Variants in CTNNA2 observed in about 807,000 individuals in gnomAD.
CTNNA2 encodes catenin alpha 2.
In CTNNA2, 42 loss-of-function variants were observed where a neutral mutation model predicts 101.0. That is an observed-to-expected ratio of 0.42 (90% CI 0.32 to 0.54). The LOEUF (loss-of-function observed/expected upper bound fraction) is 0.54. Among genes scored for constraint, CTNNA2 ranks in the 20% least tolerant of loss-of-function variants. The pLI is 0.14. For synonymous variants in CTNNA2, 450 were observed against 456.4 expected (o/e 0.99, Z 0.18); for missense variants, 871 against 1,223.1 (o/e 0.71, Z 4.29).
intron 2 of CTNNA2, among the ~76,000 whole-genome samples, chr2:79,740,783 C>A (rs1388895831): frequency 6.6e-6 from 1 of 151,890 alleles, no homozygotes; most frequent in Non-Finnish European, 1.5e-5. Flanking sequence ...TAGAGCACAA[C>A]AACAATTCAG....
At chr2:79,255,561 C>G (rs1674834050) in intron 2 of CTNNA2, among the ~76,000 whole-genome samples, 1 of 152,032 alleles carries the variant, frequency 6.6e-6, no homozygotes, top group South Asian at 2.1e-4. Context: ...AGGATAGTAT[C>G]GTAGCTGGAG....
intron 3 of CTNNA2, among the ~76,000 whole-genome samples, chr2:79,829,701 T>TC (rs1490997751): frequency 6.3e-4 from 7 of 11,136 alleles, no homozygotes; most frequent in Admixed American, 1.9e-3. Context: ...TTCTTATTTA[T>TC]TTATTTATTT....
At chr2:79,617,004 C>T (rs551423843) in intron 1 of CTNNA2, among the ~76,000 whole-genome samples, 5 of 151,914 alleles carry the variant, frequency 3.3e-5, no homozygotes, top group Admixed American at 6.6e-5. Context: ...CGGGTTCAAG[C>T]GATTCTCCTG....
Position 80,135,032 on chromosome 2 carries a change from G to A in CTNNA2, c.1056+225235G>A, listed in dbSNP as rs554673323. On this transcript the variant is annotated intron_variant, in intron 7 of 18. Transcript: ENST00000402739. ...TTCCATATTTATTAAAATGTGATCTGCATATTTTTCTCTTTTCATGTACTG... is the reference window on the plus strand; with the variant it reads ...TTCCATATTTATTAAAATGTGATCTACATATTTTTCTCTTTTCATGTACTG... 9.2e-5 allele frequency among the ~76,000 whole-genome samples: 14 copies of A among 152,194 alleles called. 1 individual carries two copies. In the South Asian group the frequency reaches 1.5e-3, roughly 16 times the overall value.
At chr2:79,818,678 A>C (rs1477439466) in intron 3 of CTNNA2, among the ~76,000 whole-genome samples, 2 of 151,722 alleles carry the variant, frequency 1.3e-5, no homozygotes, top group African/African-American at 4.8e-5. Context: ...CTAAACCCTG[A>C]AATCTTGAAT....
At chr2:80,416,654 A>G (rs755215615) in intron 8 of CTNNA2, among the ~76,000 whole-genome samples, 1 of 151,944 alleles carries the variant, frequency 6.6e-6, no homozygotes, top group Admixed American at 6.6e-5. Context: ...CCTTTTCACA[A>G]TGTTGTAATA....
At chr2:79,878,707 G>C (rs530379365) in intron 6 of CTNNA2, among the ~76,000 whole-genome samples, 79 of 152,126 alleles carry the variant, frequency 5.2e-4, no homozygotes, top group African/African-American at 1.9e-3. Context: ...TAAGTTCCTT[G>C]TAAATTCTGA....
intron 7 of CTNNA2, among the ~76,000 whole-genome samples, chr2:80,272,861 T>C (rs571664684): frequency 2.7e-4 from 41 of 152,312 alleles, no homozygotes; most frequent in Middle Eastern, 3.4e-3. Flanking sequence ...GCCAAGATAT[T>C]TGCTTGAAAA....
intron 7 of CTNNA2, among the ~76,000 whole-genome samples, chr2:79,993,118 TCA>T (rs2103908561): frequency 6.6e-6 from 1 of 152,326 alleles, no homozygotes; most frequent in South Asian, 2.1e-4. Context: ...TTGCATAATG[TCA>T]CAGAGTGGTT....
At chr2:80,141,350 A>T (rs1353754644) in intron 7 of CTNNA2, among the ~76,000 whole-genome samples, 1 of 151,946 alleles carries the variant, frequency 6.6e-6, no homozygotes, top group Non-Finnish European at 1.5e-5. Context: ...CTATAAACAG[A>T]CTTACCAAGC....
At chr2:79,501,630 T>C (rs1671320761) in intron 4 of CTNNA2, among the ~76,000 whole-genome samples, 1 of 152,194 alleles carries the variant, frequency 6.6e-6, no homozygotes, top group African/African-American at 2.4e-5. Flanking sequence ...TCAAGGCAGG[T>C]CAGGGAACCA....
chr2:80,582,026 T>C (rs1034061903), intron 14 of CTNNA2, among the ~76,000 whole-genome samples: 4 of 152,170 alleles, frequency 2.6e-5, no homozygotes, highest in Non-Finnish European at 4.4e-5. Flanking sequence ...ACTCCTCTCT[T>C]TTGCTATCAC....
At chr2:79,306,000 C>T (rs935413684) in intron 2 of CTNNA2, among the ~76,000 whole-genome samples, 9 of 147,032 alleles carry the variant, frequency 6.1e-5, no homozygotes, top group Admixed American at 2.1e-4. Flanking sequence ...GAGCTGAGAT[C>T]GCACCACTGC....
rs115566128 is a variant in CTNNA2, at chr2:80,616,013, T to G, written c.2431-3072T>G. On this transcript the variant is annotated intron_variant, in intron 17 of 18. Transcript: ENST00000402739. ...TTAATTCAGACTTTTAATCTTTTCT[T>G]TTATCATCAATACTGTATCTTGTTT... Among the ~76,000 whole-genome samples, 878 of 151,830 alleles carry G rather than the reference T, an allele frequency of 5.8e-3. 8 individuals carry two copies. Among genetic ancestry groups the G allele is most frequent in the African/African-American group, 0.02 (831 of 41,508 alleles).
chr2:80,031,697 A>G lies in CTNNA2; in HGVS notation c.1056+121900A>G, dbSNP rs143865403. Among the ~76,000 whole-genome samples the G allele has an allele frequency of 4.0e-3, 616 of 152,318 alleles. 6 individuals carry two copies. The highest frequency in any genetic ancestry group is 0.014 in the African/African-American group (587 of 41,576). On this transcript the variant is annotated intron_variant, in intron 7 of 18. Coordinates refer to ENST00000402739, the MANE Select transcript of CTNNA2 (RefSeq NM_001282597.3). ...TTCACCTTTTATTTTATAAATTTCT[A>G]TGTTGTTTAACTATTTTACAGTGAA... is the stretch of plus-strand genomic sequence containing the variant.
chr2:79,793,188 G>A (rs2105261878), intron 3 of CTNNA2, among the ~76,000 whole-genome samples: 1 of 152,342 alleles, frequency 6.6e-6, no homozygotes, highest in Non-Finnish European at 1.5e-5. Context: ...TGCAGCATGT[G>A]CAGTATTGCA....
chr2:79,296,298 A>G (rs2104386286), intron 2 of CTNNA2, among the ~76,000 whole-genome samples: 1 of 152,268 alleles, frequency 6.6e-6, no homozygotes, highest in East Asian at 1.9e-4. Flanking sequence ...TGCTCTTTTC[A>G]CCAATCTCTT....
intron 3 of CTNNA2, among the ~76,000 whole-genome samples, chr2:79,322,536 A>G (rs72917277): frequency 0.083 from 12,631 of 152,266 alleles, 560 homozygotes; most frequent in African/African-American, 0.091. Flanking sequence ...CTTAGCCCAG[A>G]TATTTCTTTC....
intron 7 of CTNNA2, among the ~76,000 whole-genome samples, chr2:80,265,611 A>G (rs558199538): frequency 6.6e-6 from 1 of 152,278 alleles, no homozygotes; most frequent in Admixed American, 6.5e-5. Context: ...CTGGCCTTAC[A>G]TTGATTGCTG....
Sources: gnomAD v4.1 joint callset for allele counts (sites outside exome capture counted in the v4.1 genomes callset) on GRCh38, gnomAD v4.1.1 for gene constraint, MANE v1.5 for transcripts, NCBI Gene and HGNC (gene_info 2026-07-23, HGNC 2026-07-21) for gene names.